The following ZGRF1 variants were observed in gnomAD, a reference collection of about 807,000 sequenced individuals.
ZGRF1 encodes 5'-3' DNA helicase ZGRF1.
In ZGRF1, 196 loss-of-function variants were observed where a neutral mutation model predicts 203.5. That is an observed-to-expected ratio of 0.96 (90% CI 0.86 to 1.08). ZGRF1 has a LOEUF of 1.08. ZGRF1 is among the 50% of genes least tolerant of loss of function. ZGRF1 has a pLI of 0.00. For missense variants in ZGRF1, 2,326 were observed against 2,416.3 expected, an observed-to-expected ratio of 0.96 and a Z score of 0.78; for synonymous variants, 809 against 841.3, an observed-to-expected ratio of 0.96 and a Z score of 0.66.
At chr4:112,619,760 A>T in intron 5 of ZGRF1, 70 bp from the exon 6 acceptor site, 1 of 1,181,508 alleles carries the variant, frequency 8.5e-7, no homozygotes, top group Non-Finnish European at 1.2e-6. Context: ...ACTGGCTAAG[A>T]AAAAAAAAGG....
In ZGRF1 at chr4:112,540,116, A is replaced by G; in HGVS notation, c.5919T>C (p.His1973=). 6.5e-7 allele frequency: 1 copy of G among 1,549,928 alleles called. No homozygotes were observed. The change falls in exon 27 of 28, where the codon CAT becomes CAC. Residue 1973 remains histidine (H), a synonymous_variant. Coordinates refer to ENST00000505019, the MANE Select transcript of ZGRF1 (RefSeq NM_018392.5). Reference sequence around the variant, plus strand: ...GGTGAAAGTCCACAGCACTGAGTAAATGACAAAGCTGTGGAAGAAAAAACA... The same window carrying G: ...GGTGAAAGTCCACAGCACTGAGTAAGTGACAAAGCTGTGGAAGAAAAAACA... ...LYKSQMYKLC[H]LLSAVDFHHP... is the part of the protein sequence containing the mutation.
intron 22 of ZGRF1, among the ~76,000 whole-genome samples, chr4:112,552,430 T>C (rs1217887817): frequency 1.3e-5 from 2 of 152,234 alleles, no homozygotes; most frequent in African/African-American, 4.8e-5. Context: ...TCATAGTAAC[T>C]GGGCTTTCAT....
chr4:112,620,610 A>T (rs934056925), intron 4 of ZGRF1, among the ~76,000 whole-genome samples: 1 of 152,180 alleles, frequency 6.6e-6, no homozygotes, highest in Non-Finnish European at 1.5e-5. Flanking sequence ...CTGTAATCCC[A>T]GCACTAAGGA....
intron 11 of ZGRF1, 52 bp downstream of exon 11, chr4:112,589,672 A>C (rs1747815327): frequency 1.3e-6 from 2 of 1,514,500 alleles, no homozygotes; most frequent in Non-Finnish European, 1.8e-6. Flanking sequence ...TCAAATAAAA[A>C]ACTTCATCTT....
intron 24 of ZGRF1, among the ~76,000 whole-genome samples, chr4:112,541,534 GTTTT>G (rs35774230): frequency 2.2e-5 from 3 of 135,278 alleles, no homozygotes; most frequent in African/African-American, 5.4e-5. Context: ...TTTTTGTTTT[GTTTT>G]TTTTTTTTTT....
intron 13 of ZGRF1, among the ~76,000 whole-genome samples, chr4:112,586,098 G>A (rs796982205): frequency 3.9e-5 from 6 of 152,074 alleles, no homozygotes; most frequent in African/African-American, 1.4e-4. Flanking sequence ...AAAATTAGCT[G>A]GGTGTGGTGG....
At chr4:112,595,005 GCTGAGGCAGGCAGATCAC>G (rs1267238581) in intron 10 of ZGRF1, among the ~76,000 whole-genome samples, 13 of 151,986 alleles carry the variant, frequency 8.6e-5, no homozygotes, top group Admixed American at 2.6e-4. Context: ...ACTTTGGGAG[GCTGAGGCAGGCAGATCAC>G]CTGAGGTCAG....
chr4:112,563,056 G>C, intron 17 of ZGRF1, 75 bp downstream of exon 17: 1 of 1,295,766 alleles, frequency 7.7e-7, no homozygotes, highest in Non-Finnish European at 1.0e-6. Context: ...CTTTTTGTTG[G>C]CTTTAATCAA....
rs749942779 is a variant in ZGRF1 at position 112,619,289 on chromosome 4, G to C, written c.753C>G (p.Ser251Arg). Residue 251 changes from serine to arginine, a missense_variant, in exon 6 of 28, where the codon AGC becomes AGG. Transcript: ENST00000505019. ...TCAGAAGAGCTAATATCTGTGCTTT[G>C]CTTCTGATGTTTTGTGAAACTCCTG... is the stretch of plus-strand genomic sequence containing the variant. The part of the protein sequence containing the change: ...HYSGVSQNIR[S>R]KAQILALLKS... 6.2e-7 allele frequency: 1 copy of C among 1,613,214 alleles called. No homozygotes were observed. The highest frequency in any genetic ancestry group is 8.5e-7 in the Non-Finnish European group (1 of 1,179,902).
In ZGRF1 at chr4:112,617,656, G is replaced by A. The variant is rs146946369; in HGVS notation, c.2386C>T (p.Pro796Ser). 1 of 1,613,698 alleles carries A rather than the reference G, an allele frequency of 6.2e-7. No individual in the cohort carries two copies. The highest frequency in any genetic ancestry group is 8.5e-7 in the Non-Finnish European group (1 of 1,179,912). The change falls in exon 6 of 28, where the codon CCT becomes TCT. Residue 796 changes from proline to serine, a missense_variant. By Grantham distance (74) the Pro-to-Ser change is moderately conservative (BLOSUM62 -1). Transcript: ENST00000505019. ...EDLGKIRSPP[P>S]DHVEVETARE... ...GCAGTTTCAACCTCAACATGGTCAGGGGGTGGACTTCTAATCTTTCCCAAA... is the reference window on the plus strand; with the variant it reads ...GCAGTTTCAACCTCAACATGGTCAGAGGGTGGACTTCTAATCTTTCCCAAA...
At chr4:112,556,582 G>T (rs977161193) in intron 20 of ZGRF1, among the ~76,000 whole-genome samples, 6 of 151,992 alleles carry the variant, frequency 3.9e-5, no homozygotes, top group African/African-American at 1.2e-4. Flanking sequence ...TAGAGACGGG[G>T]ATTTGCCATG....
At chr4:112,540,216 A>G (rs1032648751) in intron 26 of ZGRF1, 92 bp from the exon 27 acceptor site, 130 of 859,334 alleles carry the variant, frequency 1.5e-4, no homozygotes, top group Non-Finnish European at 1.9e-4. Context: ...AATTTAACTA[A>G]TAGTAAATAA....
chr4:112,539,980 A>G lies in ZGRF1; in HGVS notation c.6055T>C (p.Ser2019Pro). Residue 2019 changes from serine to proline, a missense_variant, in exon 27 of 28, where the codon TCA (serine) becomes CCA (proline). Physicochemically the swap from Ser to Pro is moderately conservative, Grantham distance 74 (BLOSUM62 -1). Coordinates refer to ENST00000505019, the MANE Select transcript of ZGRF1 (RefSeq NM_018392.5). ...AATGCAACATTCATTCTTTTTTCTG[A>G]ATCAATGAATCCTACTTGTCTTGTC... is the stretch of plus-strand genomic sequence containing the variant. ...VRTRQVGFID[S>P]EKRMNVALTR... The G allele has an allele frequency of 6.2e-7, 1 of 1,613,786 alleles. No individual in the cohort carries two copies. Among genetic ancestry groups the G allele is most frequent in the Non-Finnish European group, 8.5e-7 (1 of 1,179,810 alleles).
intron 10 of ZGRF1, among the ~76,000 whole-genome samples, chr4:112,592,096 CTTTT>C (rs961223953): frequency 7.0e-5 from 9 of 128,566 alleles, no homozygotes; most frequent in Non-Finnish European, 1.2e-4. Context: ...CTCATTCATT[CTTTT>C]TTTTTTTTTT....
intron 16 of ZGRF1, among the ~76,000 whole-genome samples, chr4:112,572,227 G>C (rs536049953): frequency 2.6e-5 from 4 of 152,260 alleles, no homozygotes; most frequent in Admixed American, 2.0e-4. Flanking sequence ...GAACAGAATA[G>C]AGAGCCCAGA....
chr4:112,587,255 C>A (rs994085035), intron 12 of ZGRF1, 25 bp downstream of exon 12: 1 of 1,567,456 alleles, frequency 6.4e-7, no homozygotes, highest in Non-Finnish European at 8.6e-7. Context: ...GAAAAATGCA[C>A]CACAAGACCG....
chr4:112,634,871 C>T (rs534282916), intron 1 of ZGRF1, among the ~76,000 whole-genome samples: 1 of 152,226 alleles, frequency 6.6e-6, no homozygotes, highest in Admixed American at 6.5e-5. Context: ...GTGACTCACG[C>T]CTGTAATCCC....
At chr4:112,541,534 G>GT (rs35774230) in intron 24 of ZGRF1, among the ~76,000 whole-genome samples, 31,652 of 135,158 alleles carry the variant, frequency 0.23, 3,576 homozygotes, top group East Asian at 0.28. Context: ...TTTTTGTTTT[G>GT]TTTTTTTTTT....
chr4:112,574,981 A>G (rs1296827888), intron 16 of ZGRF1, among the ~76,000 whole-genome samples: 1 of 151,764 alleles, frequency 6.6e-6, no homozygotes, highest in Admixed American at 6.6e-5. Flanking sequence ...AACCTAGATC[A>G]CGCTACTGCA....
Sources: gnomAD v4.1 joint callset for allele counts (sites outside exome capture counted in the v4.1 genomes callset) on GRCh38, gnomAD v4.1.1 for gene constraint, MANE v1.5 for transcripts, NCBI Gene and HGNC (gene_info 2026-07-23, HGNC 2026-07-21) for gene names.